Variants in NPAS3 observed in about 807,000 individuals in gnomAD.
The protein encoded by NPAS3 is neuronal PAS domain protein 3.
NPAS3 carries 14 observed loss-of-function variants against 73.1 expected under a neutral mutation model. The observed-to-expected ratio is 0.19, with a 90% CI of 0.13 to 0.30. The LOEUF (loss-of-function observed/expected upper bound fraction) is 0.30, where lower values mean the gene tolerates loss of function less well. Among genes scored for constraint, NPAS3 ranks in the 10% least tolerant of loss-of-function variants. NPAS3 has a pLI of 1.00. For missense variants in NPAS3, 1,096 were observed against 1,250.0 expected (o/e 0.88, Z 1.86); for synonymous variants, 620 against 541.5 (o/e 1.14, Z -2.01).
intron 4 of NPAS3, among the ~76,000 whole-genome samples, chr14:33,542,307 C>T (rs1566986703): frequency 6.6e-6 from 1 of 152,128 alleles, no homozygotes; most frequent in Non-Finnish European, 1.5e-5. Context: ...ACACAGTTTT[C>T]CTCAGTTGCC....
chr14:33,760,939 A>T (rs2140826890), intron 7 of NPAS3, among the ~76,000 whole-genome samples: 1 of 152,344 alleles, frequency 6.6e-6, no homozygotes, highest in East Asian at 1.9e-4. Context: ...CTGCAGGAGA[A>T]CAGCATGTTG....
intron 2 of NPAS3, among the ~76,000 whole-genome samples, chr14:33,103,571 T>C (rs1035502101): frequency 2.6e-5 from 4 of 152,150 alleles, no homozygotes; most frequent in Admixed American, 6.5e-5. Context: ...CAAAGAGCAA[T>C]TGGCAAGATT....
chr14:33,799,585 G>A, intron 11 of NPAS3, 149 bp from the exon 12 acceptor site: 1 of 755,784 alleles, frequency 1.3e-6, no homozygotes. Context: ...TCCTCTGAAG[G>A]TGATGGAGAA....
rs2063643220 is a variant in NPAS3 at position 33,800,049 on chromosome 14, AGGACTC to A, written c.1747_1752del (p.Asp584_Ser585del). On this transcript the variant is annotated inframe_deletion, in exon 12 of 12. Coordinates refer to ENST00000356141, the Ensembl canonical transcript of NPAS3. The surrounding 1 kb of genome is among the most constrained non-coding windows in gnomAD (Gnocchi z 6.5). ...GAGTCACTCACGTCCGACAGCGCCA[AGGACTC>A]GGACAGCGCAGGCGAGGCGGGCGCG... The A allele has an allele frequency of 6.2e-7, 1 of 1,608,166 alleles. No individual in the cohort carries two copies. Among genetic ancestry groups the A allele is most frequent in the Non-Finnish European group, 8.5e-7 (1 of 1,179,190 alleles).
chr14:33,708,923 A>G (rs1247769462), intron 6 of NPAS3, among the ~76,000 whole-genome samples: 1 of 152,172 alleles, frequency 6.6e-6, no homozygotes, highest in African/African-American at 2.4e-5. Flanking sequence ...TTCTGCCTCT[A>G]CTAGACCTGA....
chr14:33,229,216 A>C (rs1254036473), intron 3 of NPAS3, among the ~76,000 whole-genome samples: 2 of 152,248 alleles, frequency 1.3e-5, no homozygotes, highest in Non-Finnish European at 2.9e-5. Flanking sequence ...CACATACCAT[A>C]CTTATAAACA....
intron 2 of NPAS3, among the ~76,000 whole-genome samples, chr14:33,096,075 C>A (rs550908670): frequency 6.6e-6 from 1 of 151,252 alleles, no homozygotes; most frequent in South Asian, 2.1e-4. Context: ...TGTTCTGAGT[C>A]TGGCAGTAGG....
intron 2 of NPAS3, among the ~76,000 whole-genome samples, chr14:33,085,517 C>G (rs985562626): frequency 9.2e-5 from 14 of 152,186 alleles, no homozygotes; most frequent in African/African-American, 3.1e-4. Context: ...AATCTATTCT[C>G]TCTTCTCGTA....
At chr14:33,332,636 T>C (rs1265055479) in intron 3 of NPAS3, among the ~76,000 whole-genome samples, 1 of 152,202 alleles carries the variant, frequency 6.6e-6, no homozygotes, top group African/African-American at 2.4e-5. Context: ...GACAGCTGTT[T>C]GGATGTCTCA....
rs117917291 is a variant in NPAS3 at position 33,056,227 on chromosome 14, A to C, written c.140+233A>C. Reference sequence around the variant, plus strand: ...TTATTTTTTTGAAATTGTGGTCTAAAAGTTTTTTTTAACGACTGTATTAAA... The same window carrying C: ...TTATTTTTTTGAAATTGTGGTCTAACAGTTTTTTTTAACGACTGTATTAAA... On this transcript the variant is annotated intron_variant, in intron 2 of 11. Coordinates refer to ENST00000356141, the Ensembl canonical transcript of NPAS3. 2.8e-3 allele frequency among the ~76,000 whole-genome samples: 430 copies of C among 152,290 alleles called. 1 individual carries two copies. In the East Asian group the frequency reaches 0.03, roughly 11 times the overall value.
intron 4 of NPAS3, among the ~76,000 whole-genome samples, chr14:33,533,879 CATGTATATATAA>C (rs2054145865): frequency 1.3e-5 from 2 of 151,974 alleles, no homozygotes; most frequent in Non-Finnish European, 2.9e-5. Flanking sequence ...GTCATATACA[CATGTATATATAA>C]ATGTATATGA....
At chr14:33,655,240 G>T (rs760053749) in intron 5 of NPAS3, among the ~76,000 whole-genome samples, 2 of 151,262 alleles carry the variant, frequency 1.3e-5, no homozygotes, top group Non-Finnish European at 2.9e-5. Flanking sequence ...GCATGTGTCT[G>T]CATTTTCCCA....
intron 4 of NPAS3, among the ~76,000 whole-genome samples, chr14:33,426,130 G>C (rs143750720): frequency 6.6e-6 from 1 of 152,084 alleles, no homozygotes; most frequent in Admixed American, 6.6e-5. Flanking sequence ...TAATCAGCCA[G>C]TAAAGGGACA....
intron 2 of NPAS3, among the ~76,000 whole-genome samples, chr14:33,110,494 C>G (rs771073293): frequency 6.6e-6 from 1 of 152,134 alleles, no homozygotes; most frequent in African/African-American, 2.4e-5. Context: ...TTCTGTGATA[C>G]GCTGTTTTAC....
At chr14:33,247,847 T>C (rs2048445893) in intron 3 of NPAS3, among the ~76,000 whole-genome samples, 1 of 152,328 alleles carries the variant, frequency 6.6e-6, no homozygotes. Flanking sequence ...ATGAAAACTA[T>C]AGAGAATATA....
At chr14:33,027,066 C>A (rs1350355070) in intron 1 of NPAS3, among the ~76,000 whole-genome samples, 1 of 152,096 alleles carries the variant, frequency 6.6e-6, no homozygotes, top group African/African-American at 2.4e-5. Context: ...ATCATTTTCT[C>A]CAGTTGACCC....
chr14:33,140,450 A>G (rs1357456155), intron 2 of NPAS3, among the ~76,000 whole-genome samples: 1 of 152,110 alleles, frequency 6.6e-6, no homozygotes, highest in Non-Finnish European at 1.5e-5. Flanking sequence ...CCATTGTGTA[A>G]GTGGGTTATC....
At chr14:33,355,134 TTG>T (rs1394720696) in intron 3 of NPAS3, among the ~76,000 whole-genome samples, 2 of 152,180 alleles carry the variant, frequency 1.3e-5, no homozygotes, top group African/African-American at 4.8e-5. Flanking sequence ...GTTTGTGCCA[TTG>T]TGTGTGTTCT....
At chr14:33,065,519 C>T (rs964558217) in intron 2 of NPAS3, among the ~76,000 whole-genome samples, 10 of 152,046 alleles carry the variant, frequency 6.6e-5, no homozygotes, top group Admixed American at 1.3e-4. Flanking sequence ...CAGCATGCAA[C>T]GGAAGCATTG....
Sources: gnomAD v4.1 joint callset for allele counts (sites outside exome capture counted in the v4.1 genomes callset) on GRCh38, gnomAD v4.1.1 for gene constraint, Gnocchi (gnomAD v3.1) non-coding constraint, MANE v1.5 for transcripts, NCBI Gene and HGNC (gene_info 2026-07-23, HGNC 2026-07-21) for gene names.